ERMARD: variants seen among roughly 807,000 people sequenced by gnomAD.
ERMARD encodes the protein endoplasmic reticulum membrane-associated RNA degradation protein.
In ERMARD, 71 loss-of-function variants were observed where a neutral mutation model predicts 83.9. The observed-to-expected ratio is 0.85, with a 90% confidence interval of 0.70 to 1.03. The LOEUF is 1.03. Among genes scored for constraint, ERMARD ranks in the 50% least tolerant of loss-of-function variants. ERMARD has a pLI of 0.00. For missense variants in ERMARD, 838 were observed against 810.9 expected (o/e 1.03, Z -0.41); for synonymous variants, 284 against 298.6 (o/e 0.95, Z 0.50).
At chr6:169,752,233 C>T (rs1790216156) in intron 1 of ERMARD, among the ~76,000 whole-genome samples, 1 of 152,196 alleles carries the variant, frequency 6.6e-6, no homozygotes, top group South Asian at 2.1e-4. Flanking sequence ...ATGATGATAA[C>T]GATAACTACC....
chr6:169,760,001 T>C, intron 7 of ERMARD, 27 bp downstream of exon 7: 5 of 1,613,826 alleles, frequency 3.1e-6, no homozygotes, highest in Non-Finnish European at 4.2e-6. Flanking sequence ...ACATTTTTCC[T>C]TATAGCTTTG....
intron 1 of ERMARD, among the ~76,000 whole-genome samples, chr6:169,753,604 C>T (rs1482599936): frequency 1.3e-5 from 2 of 151,616 alleles, no homozygotes; most frequent in African/African-American, 4.9e-5. Context: ...AATGGCTACC[C>T]CATAGACAGA....
rs1417996664 is a variant in ERMARD at position 169,764,700 on chromosome 6, G to A, written c.961-1938G>A. On this transcript the variant is annotated intron_variant, in intron 9 of 17. Coordinates refer to ENST00000366773, the MANE Select transcript of ERMARD (RefSeq NM_018341.3). The stretch of plus-strand genomic sequence containing the variant: ...CCTCTTCACGTGGCAGCAAGGCCTC[G>A]GGTTCTAACCCTGCCCTCCTCTTTG... Among the ~76,000 whole-genome samples the A allele has an allele frequency of 2.6e-5, 4 of 152,060 alleles. No homozygotes were observed. In the South Asian group the frequency reaches 6.2e-4, roughly 24 times the overall value.
chr6:169,759,920 G>C lies in ERMARD; in HGVS notation c.688G>C (p.Ala230Pro), dbSNP rs747871613. ...SYLQNTKLTL[A>P]HRSFISLTNL... ...CCTTCAAAACACTAAACTTACATTG[G>C]CACATCGCTCTTTCATATCTCTTAC... Residue 230 changes from alanine (A) to proline (P), a missense_variant, in exon 7 of 18, where the codon GCA becomes CCA. Transcript: ENST00000366773. 6.2e-7 allele frequency: 1 copy of C among 1,614,170 alleles called. No individual in the cohort carries two copies. The highest frequency in any genetic ancestry group is 1.6e-4 in the Middle Eastern group (1 of 6,062).
intron 8 of ERMARD, among the ~76,000 whole-genome samples, chr6:169,761,053 A>G (rs1409400804): frequency 6.6e-6 from 1 of 152,202 alleles, no homozygotes; most frequent in Non-Finnish European, 1.5e-5. Flanking sequence ...AACATAGATA[A>G]GCCAGCTTCG....
rs767434408 is a variant in ERMARD at position 169,753,838 on chromosome 6, G to A, written c.7-26G>A. ...TCTATTTTTCTTTCTGTTAAGCAGTGCCTTTTATTTTATTTTATTTTTTAG... is the reference window on the plus strand; with the variant it reads ...TCTATTTTTCTTTCTGTTAAGCAGTACCTTTTATTTTATTTTATTTTTTAG... On this transcript the variant is annotated intron_variant, in intron 1 of 17. Transcript: ENST00000366773. 2.1e-5 allele frequency: 31 copies of A among 1,483,742 alleles called. No homozygotes were observed. In the African/African-American group the frequency reaches 2.7e-4, roughly 13 times the overall value. The allele number at this position is 1,483,742 out of a possible 1,614,324, so 91.9% of individuals were successfully genotyped here.
In ERMARD at chr6:169,758,948, T is replaced by A. The variant is rs756870045; in HGVS notation, c.508-20T>A. 1 of 1,592,246 alleles carries A rather than the reference T, an allele frequency of 6.3e-7. No individual in the cohort carries two copies. Among genetic ancestry groups the A allele is most frequent in the Non-Finnish European group, 8.6e-7 (1 of 1,163,280 alleles). Reference sequence around the variant, plus strand: ...TTCAGTAATTCAGTATAATTAACTATGTAATGATTTGCGGATTAGATGAAT... The same window carrying A: ...TTCAGTAATTCAGTATAATTAACTAAGTAATGATTTGCGGATTAGATGAAT... On this transcript the variant is annotated intron_variant, in intron 5 of 17. Transcript: ENST00000366773.
At chr6:169,757,085 C>G (rs1790909708) in intron 5 of ERMARD, among the ~76,000 whole-genome samples, 1 of 152,162 alleles carries the variant, frequency 6.6e-6, no homozygotes, top group African/African-American at 2.4e-5. Context: ...AAAGACCGGT[C>G]CCCATGATTC....
At chr6:169,751,822 C>G (rs1000135718) in intron 1 of ERMARD, 159 bp downstream of exon 1, 2 of 1,108,958 alleles carry the variant, frequency 1.8e-6, no homozygotes, top group Admixed American at 3.9e-5. Context: ...GCCCTGGCCT[C>G]TGTGGCGGTA....
At position 169,768,094 on chromosome 6, in the gene ERMARD, A is replaced by C. The variant is rs781141816; in HGVS notation, c.991-9A>C. 6.2e-7 allele frequency: 1 copy of C among 1,610,456 alleles called. No individual in the cohort carries two copies. The highest frequency in any genetic ancestry group is 8.5e-7 in the Non-Finnish European group (1 of 1,176,762). Reference sequence around the variant, plus strand: ...CAGTTAACCAATGTATTTATTTTTGATGTTTTAGATATTGGCAAAACACTT... The same window carrying C: ...CAGTTAACCAATGTATTTATTTTTGCTGTTTTAGATATTGGCAAAACACTT... On this transcript the variant is annotated splice_polypyrimidine_tract_variant and intron_variant, in intron 10 of 17. Coordinates refer to ENST00000366773, the MANE Select transcript of ERMARD (RefSeq NM_018341.3).
At chr6:169,761,062 C>T (rs986586357) in intron 8 of ERMARD, among the ~76,000 whole-genome samples, 3 of 152,174 alleles carry the variant, frequency 2.0e-5, no homozygotes, top group Non-Finnish European at 4.4e-5. Context: ...AAGCCAGCTT[C>T]GTCCTTACAT....
rs1792665746 is a variant in ERMARD, at chr6:169,769,709, TTAA to T, written c.1230_1232del (p.Phe410_Lys411delinsLeu). On this transcript the variant is annotated inframe_deletion and splice_region_variant, in exon 12 of 18. Coordinates refer to ENST00000366773, the MANE Select transcript of ERMARD (RefSeq NM_018341.3). ...GTTGATGACTGTCTGCTATCAGTTT[TTAA>T]GGTAATTTATAGGGAAGAAAATCAT... is the stretch of plus-strand genomic sequence containing the variant. 6.3e-7 allele frequency: 1 copy of T among 1,595,304 alleles called. No homozygotes were observed. The highest frequency in any genetic ancestry group is 1.3e-5 in the African/African-American group (1 of 74,340).
chr6:169,759,921 C>T lies in ERMARD; in HGVS notation c.689C>T (p.Ala230Val), dbSNP rs758402017. 6.2e-7 allele frequency: 1 copy of T among 1,614,174 alleles called. No homozygotes were observed. Among genetic ancestry groups the T allele is most frequent in the Non-Finnish European group, 8.5e-7 (1 of 1,180,044 alleles). Residue 230 changes from alanine (A) to valine (V), a missense_variant, in exon 7 of 18, where the codon GCA becomes GTA. Coordinates refer to ENST00000366773, the MANE Select transcript of ERMARD (RefSeq NM_018341.3). ...SYLQNTKLTL[A>V]HRSFISLTNL... ...CTTCAAAACACTAAACTTACATTGG[C>T]ACATCGCTCTTTCATATCTCTTACA...
In ERMARD at chr6:169,755,373, AATTTGAAATTCG is replaced by A. The variant is rs1454134966; in HGVS notation, c.269_280del (p.Phe90_Arg93del). 6.2e-7 allele frequency: 1 copy of A among 1,614,190 alleles called. No individual in the cohort carries two copies. The highest frequency in any genetic ancestry group is 1.1e-5 in the South Asian group (1 of 91,086). On this transcript the variant is annotated inframe_deletion, in exon 3 of 18. Coordinates refer to ENST00000366773, the MANE Select transcript of ERMARD (RefSeq NM_018341.3). ...CATTTCTTATCTCTGACCAAGGGGC[AATTTGAAATTCG>A]ATATGCACCGTGGTTCCAGTGGACA...
intron 1 of ERMARD, chr6:169,753,032 A>G (rs1265484713): frequency 6.6e-6 from 1 of 152,254 alleles, no homozygotes; most frequent in Non-Finnish European, 1.5e-5. Context: ...ACCATCTTCA[A>G]CAAAGAACTG....
chr6:169,752,874 T>C (rs540277190), intron 1 of ERMARD, among the ~76,000 whole-genome samples: 268 of 152,348 alleles, frequency 1.8e-3, no homozygotes, highest in African/African-American at 6.3e-3. Context: ...GGCTAAACTT[T>C]ACCTCTGCCC....
intron 1 of ERMARD, 79 bp from the exon 2 acceptor site, chr6:169,753,785 T>G (rs2128340205): frequency 8.5e-7 from 1 of 1,170,156 alleles, no homozygotes; most frequent in East Asian, 2.6e-5. Context: ...ATTCAGTTCT[T>G]AAGAGATGTG....
chr6:169,766,911 C>CATG (rs2128353513), intron 10 of ERMARD: 1 of 411,938 alleles, frequency 2.4e-6, no homozygotes, highest in Non-Finnish European at 4.3e-6. Flanking sequence ...AGGGATCTAA[C>CATG]ATGATTAGCT....
chr6:169,777,132 TTG>T (rs1793699068), intron 16 of ERMARD, among the ~76,000 whole-genome samples: 1 of 152,178 alleles, frequency 6.6e-6, no homozygotes, highest in Non-Finnish European at 1.5e-5. Context: ...CACAATTTAC[TTG>T]TGAGTGGGGG....
Sources: allele counts gnomAD v4.1 joint callset (sites outside exome capture counted in the v4.1 genomes callset), GRCh38; gene constraint gnomAD v4.1.1; transcripts MANE v1.5; gene names NCBI Gene and HGNC (gene_info 2026-07-23, HGNC 2026-07-21).